Variants in LRRFIP2 observed in about 807,000 individuals in gnomAD.
The protein encoded by LRRFIP2 is LRR binding FLII interacting protein 2.
In LRRFIP2, 109 loss-of-function variants were observed where a neutral mutation model predicts 125.9. That is an observed-to-expected ratio of 0.87 (90% confidence interval 0.74 to 1.01). LRRFIP2 has a LOEUF of 1.01. Among genes scored for constraint, LRRFIP2 ranks in the 50% least tolerant of loss-of-function variants. The probability of loss-of-function intolerance (pLI) is 0.00; values close to 1 mark genes in which losing one functional copy is unlikely to be tolerated. For missense variants in LRRFIP2, 850 were observed against 862.3 expected (o/e 0.99, Z 0.18); for synonymous variants, 291 against 293.1 (o/e 0.99, Z 0.07).
At chr3:37,120,734 T>C (rs1307058643) in intron 6 of LRRFIP2, among the ~76,000 whole-genome samples, 6 of 151,886 alleles carry the variant, frequency 4.0e-5, no homozygotes, top group South Asian at 2.1e-4. Flanking sequence ...CATGGAAGTA[T>C]ACATACAGCA....
intron 20 of LRRFIP2, 51 bp downstream of exon 20, chr3:37,074,973 T>C (rs1176248297): frequency 8.1e-7 from 1 of 1,236,810 alleles, no homozygotes; most frequent in South Asian, 1.2e-5. Flanking sequence ...CCTCATCCCA[T>C]TCAACTCATT....
At chr3:37,147,189 T>C (rs1188131509) in intron 2 of LRRFIP2, among the ~76,000 whole-genome samples, 6 of 152,108 alleles carry the variant, frequency 3.9e-5, no homozygotes, top group Admixed American at 3.9e-4. Context: ...ATGGTGATTA[T>C]TAAAAAGTCA....
intron 9 of LRRFIP2, among the ~76,000 whole-genome samples, chr3:37,110,311 C>A (rs1164039753): frequency 6.6e-6 from 1 of 152,160 alleles, no homozygotes; most frequent in Non-Finnish European, 1.5e-5. Context: ...GGAATTAAAT[C>A]TTGCTTTTCC....
intron 1 of LRRFIP2, among the ~76,000 whole-genome samples, chr3:37,160,744 A>G (rs2096315329): frequency 6.6e-6 from 1 of 151,964 alleles, no homozygotes; most frequent in Non-Finnish European, 1.5e-5. Context: ...ACGCCATTGC[A>G]CTCAAGCCTG....
chr3:37,116,003 C>A (rs531698668), intron 6 of LRRFIP2, among the ~76,000 whole-genome samples: 1 of 152,298 alleles, frequency 6.6e-6, no homozygotes, highest in African/African-American at 2.4e-5. Flanking sequence ...AAATATCTTT[C>A]TTTTCCAACT....
rs1325928367 is a variant in LRRFIP2 at position 37,120,797 on chromosome 3, TAAATA to T, written c.330+690_330+694del. Among the ~76,000 whole-genome samples the T allele has an allele frequency of 2.6e-5, 4 of 152,012 alleles. No individual in the cohort carries two copies. In the East Asian group the frequency reaches 5.8e-4, roughly 22 times the overall value. On this transcript the variant is annotated intron_variant, in intron 6 of 27. Transcript: ENST00000336686. ...AAAGCTATTAAAATAAAAAAAATTT[TAAATA>T]AAATAAAATGGAAAAAAAGAAAGTA...
chr3:37,106,284 T>C (rs1003584272), intron 13 of LRRFIP2, among the ~76,000 whole-genome samples: 2 of 152,234 alleles, frequency 1.3e-5, no homozygotes, highest in Non-Finnish European at 2.9e-5. Context: ...ATGGTTCTTA[T>C]TTCCTTTATT....
At chr3:37,080,800 A>G (rs1463779832) in intron 19 of LRRFIP2, among the ~76,000 whole-genome samples, 1 of 152,222 alleles carries the variant, frequency 6.6e-6, no homozygotes, top group African/African-American at 2.4e-5. Flanking sequence ...ATACATGAAA[A>G]GAGACTTAAA....
chr3:37,147,398 T>A (rs985074305), intron 2 of LRRFIP2, among the ~76,000 whole-genome samples: 1 of 152,260 alleles, frequency 6.6e-6, no homozygotes. Flanking sequence ...CCTGCACATG[T>A]ACGTTCACTG....
At chr3:37,059,774 A>T (rs2087985349) in intron 24 of LRRFIP2, among the ~76,000 whole-genome samples, 1 of 147,954 alleles carries the variant, frequency 6.8e-6, no homozygotes, top group Non-Finnish European at 1.5e-5. Flanking sequence ...TGACAGAGCG[A>T]GACTCTGTCT....
chr3:37,126,079 A>C (rs2095263087), intron 4 of LRRFIP2, among the ~76,000 whole-genome samples: 1 of 152,096 alleles, frequency 6.6e-6, no homozygotes, highest in Non-Finnish European at 1.5e-5. Context: ...CCCAGGCTAG[A>C]GTGCAGTGGC....
chr3:37,108,390 T>C (rs138283513), intron 12 of LRRFIP2, among the ~76,000 whole-genome samples: 1 of 152,308 alleles, frequency 6.6e-6, no homozygotes, highest in Non-Finnish European at 1.5e-5. Flanking sequence ...AAAAGTGGTT[T>C]TTCTATGCAT....
chr3:37,174,812 G>C (rs1376767109), upstream of LRRFIP2: 1 of 152,212 alleles, frequency 6.6e-6, no homozygotes, highest in African/African-American at 2.4e-5. Context: ...TCATTAGGCA[G>C]ATACGAACTT....
At chr3:37,126,812 T>C (rs1477982550) in intron 4 of LRRFIP2, among the ~76,000 whole-genome samples, 2 of 151,254 alleles carry the variant, frequency 1.3e-5, no homozygotes, top group Non-Finnish European at 2.9e-5. Context: ...TGAGCTGAGA[T>C]TGTGCCACTG....
intron 17 of LRRFIP2, among the ~76,000 whole-genome samples, chr3:37,091,916 C>A (rs1249540537): frequency 6.6e-6 from 1 of 151,840 alleles, no homozygotes; most frequent in Non-Finnish European, 1.5e-5. Context: ...AATGCTTCAC[C>A]TAGAACTAGT....
rs1049870696 is a variant in LRRFIP2 at position 37,075,222 on chromosome 3, A to G, written c.1279-106T>C. ...AAGTATGACCTCCAGAAACATGCCC[A>G]AACTCCTGATTCATAGTAACTTAGA... is the stretch of plus-strand genomic sequence containing the variant. On this transcript the variant is annotated intron_variant, in intron 19 of 27. Transcript: ENST00000336686. 2.1e-5 allele frequency: 13 copies of G among 611,310 alleles called. No homozygotes were observed. In the Admixed American group the frequency reaches 3.5e-4, roughly 17 times the overall value. 37.9% of individuals were successfully genotyped at this position (611,310 alleles called of 1,614,324 possible). A position where few individuals can be genotyped will look rare whatever the true frequency, so the allele number is the denominator to read the frequency against.
chr3:37,137,313 G>A lies in LRRFIP2; in HGVS notation c.91-8164C>T, dbSNP rs919132451. ...TTCTTCCACAAAATAACCCATTGAA[G>A]TACAGAAGGGTTAAGTAACTTGCCT... On this transcript the variant is annotated intron_variant, in intron 2 of 27. Coordinates refer to ENST00000336686, the MANE Select transcript of LRRFIP2 (RefSeq NM_006309.4). Among the ~76,000 whole-genome samples the A allele has an allele frequency of 2.6e-5, 4 of 152,158 alleles. No homozygotes were observed. In the East Asian group the frequency reaches 5.8e-4, roughly 22 times the overall value.
chr3:37,102,586 C>T (rs1179188054), intron 15 of LRRFIP2, among the ~76,000 whole-genome samples: 2 of 150,034 alleles, frequency 1.3e-5, no homozygotes, highest in Non-Finnish European at 3.0e-5. Context: ...GCAACCTCCA[C>T]CTCCTAGGTT....
At chr3:37,100,357 T>TACAC in intron 15 of LRRFIP2, among the ~76,000 whole-genome samples, 1 of 151,878 alleles carries the variant, frequency 6.6e-6, no homozygotes, top group African/African-American at 2.4e-5. Context: ...TGCGTATATA[T>TACAC]ATACACATAC....
Sources: allele counts gnomAD v4.1 joint callset (sites outside exome capture counted in the v4.1 genomes callset), GRCh38; gene constraint gnomAD v4.1.1; transcripts MANE v1.5; gene names NCBI Gene and HGNC (gene_info 2026-07-23, HGNC 2026-07-21).